Variants in GSE1 observed in about 807,000 individuals in gnomAD.
GSE1 encodes genetic suppressor element 1.
A neutral mutation model predicts 112.6 loss-of-function variants in GSE1; 32 were observed. The observed-to-expected ratio is 0.28, with a 90% CI of 0.21 to 0.38. The LOEUF is 0.38. GSE1 is among the 10% of genes least tolerant of loss of function. The probability of loss-of-function intolerance (pLI) is 1.00; values close to 1 mark genes in which losing one functional copy is unlikely to be tolerated. For missense variants in GSE1, 2,348 were observed against 1,699.2 expected, an observed-to-expected ratio of 1.38 and a Z score of -6.71; for synonymous variants, 1,115 against 735.6, an observed-to-expected ratio of 1.52 and a Z score of -8.35.
Position 85,584,965 on chromosome 16 carries a change from C to T in GSE1, c.37+28602C>T, listed in dbSNP as rs564316590. On this transcript the variant is annotated intron_variant, in intron 1 of 2. Coordinates refer to the GSE1 transcript ENST00000635906. ...TGGGGCCACGTGGCCCGGGTTGTCA[C>T]GGTAATGGGATGCGCCAGAGATGGC... is the stretch of plus-strand genomic sequence containing the variant. Among the ~76,000 whole-genome samples the T allele has an allele frequency of 5.9e-5, 9 of 152,200 alleles. No individual in the cohort carries two copies. The South Asian group carries it at 1.0e-3, about 18-fold the overall frequency.
At chr16:85,257,969 T>G (rs950922748) in intron 1 of GSE1, among the ~76,000 whole-genome samples, 1 of 152,240 alleles carries the variant, frequency 6.6e-6, no homozygotes, top group African/African-American at 2.4e-5. Flanking sequence ...CTGGTGTGAT[T>G]GGGAGCTCAG....
At chr16:85,440,888 G>C (rs1353335251) in intron 2 of GSE1, among the ~76,000 whole-genome samples, 3 of 152,224 alleles carry the variant, frequency 2.0e-5, no homozygotes, top group African/African-American at 7.2e-5. Flanking sequence ...CCGAGGACGC[G>C]GTCCCACCGG....
intron 1 of GSE1, among the ~76,000 whole-genome samples, chr16:85,329,800 A>G (rs1459903402): frequency 1.4e-5 from 2 of 138,934 alleles, no homozygotes; most frequent in Non-Finnish European, 3.1e-5. Flanking sequence ...CAGTAACTCC[A>G]GGGACTGCCT....
intron 1 of GSE1, among the ~76,000 whole-genome samples, chr16:85,305,896 C>G (rs2045664510): frequency 6.6e-6 from 1 of 152,060 alleles, no homozygotes; most frequent in Non-Finnish European, 1.5e-5. Flanking sequence ...TCGAGACCAG[C>G]CTGGCCAACA....
chr16:85,672,565 C>CTATAG lies in GSE1; in HGVS notation c.*32_*36dup, dbSNP rs1413779958. ...CGGTTTCCCTTGCACTAGGCCGAAC[C>CTATAG]TATAGTATAGAAATATTATCTATTT... On this transcript the variant is annotated 3_prime_UTR_variant, in exon 16 of 16. Transcript: ENST00000253458. 6.6e-7 allele frequency: 1 copy of CTATAG among 1,517,522 alleles called. No homozygotes were observed. Among genetic ancestry groups the CTATAG allele is most frequent in the Non-Finnish European group, 9.0e-7 (1 of 1,112,542 alleles). 94.0% of individuals were successfully genotyped at this position (1,517,522 alleles called of 1,614,324 possible).
At chr16:85,464,387 G>A (rs2050065849) in intron 2 of GSE1, among the ~76,000 whole-genome samples, 1 of 152,152 alleles carries the variant, frequency 6.6e-6, no homozygotes, top group African/African-American at 2.4e-5. Context: ...TTTTTTCCTT[G>A]AAGCTAAGTG....
chr16:85,318,089 C>G (rs549954261), intron 1 of GSE1, among the ~76,000 whole-genome samples: 28 of 152,280 alleles, frequency 1.8e-4, no homozygotes, highest in Admixed American at 5.2e-4. Flanking sequence ...GGTGGTGGGG[C>G]AGGGACCTGT....
At chr16:85,613,217 C>T (rs2151553951), upstream of GSE1, 6 of 1,491,342 alleles carry the variant, frequency 4.0e-6, no homozygotes, top group Non-Finnish European at 5.3e-6. Flanking sequence ...TTGGGTGTGT[C>T]CTCGGCGGCG....
intron 2 of GSE1, among the ~76,000 whole-genome samples, chr16:85,447,091 C>T (rs1226904391): frequency 6.6e-6 from 1 of 152,228 alleles, no homozygotes; most frequent in African/African-American, 2.4e-5. Context: ...GGGCCTCTCA[C>T]TCTGGGCCCT....
intron 1 of GSE1, among the ~76,000 whole-genome samples, chr16:85,296,937 C>T (rs2045384746): frequency 6.6e-6 from 1 of 152,234 alleles, no homozygotes; most frequent in African/African-American, 2.4e-5. Flanking sequence ...CAGGCTGCTC[C>T]CCCGGCGCTT....
At position 85,329,028 on chromosome 16, in the gene GSE1, G is replaced by A. The variant is rs540528760; in HGVS notation, c.2284-28435G>A. 2.8e-3 allele frequency among the ~76,000 whole-genome samples: 422 copies of A among 152,252 alleles called. 2 individuals carry two copies. Among genetic ancestry groups the A allele is most frequent in the African/African-American group, 9.9e-3 (411 of 41,556 alleles). On this transcript the variant is annotated intron_variant, in intron 1 of 2. Transcript: ENST00000637419. ...GTTCGGTGGGGGATTGAGGGGTGAGGTCAGCTGCCCCGCCCCTAGTGGAGC... is the reference window on the plus strand; with the variant it reads ...GTTCGGTGGGGGATTGAGGGGTGAGATCAGCTGCCCCGCCCCTAGTGGAGC...
chr16:85,569,835 G>C (rs1044058081), intron 1 of GSE1, among the ~76,000 whole-genome samples: 1 of 152,194 alleles, frequency 6.6e-6, no homozygotes, highest in African/African-American at 2.4e-5. Flanking sequence ...TCTCCGGGGG[G>C]CCTTGCACCT....
intron 2 of GSE1, among the ~76,000 whole-genome samples, chr16:85,488,620 G>C (rs1479792857): frequency 6.6e-6 from 1 of 152,112 alleles, no homozygotes; most frequent in African/African-American, 2.4e-5. Context: ...TGCCACAAGA[G>C]AGGAAGTTCA....
At chr16:85,634,563 C>A (rs2049826930) in intron 2 of GSE1, among the ~76,000 whole-genome samples, 1 of 152,158 alleles carries the variant, frequency 6.6e-6, no homozygotes, top group South Asian at 2.1e-4. Context: ...AACATGGTGT[C>A]CCTGGAAACA....
At chr16:85,179,421 T>A (rs1567591483) in intron 1 of GSE1, among the ~76,000 whole-genome samples, 1 of 152,142 alleles carries the variant, frequency 6.6e-6, no homozygotes, top group Non-Finnish European at 1.5e-5. Flanking sequence ...CATCGGCTTG[T>A]TTCTGCTTTT....
At chr16:85,239,466 A>G (rs1346086947) in intron 1 of GSE1, among the ~76,000 whole-genome samples, 2 of 152,178 alleles carry the variant, frequency 1.3e-5, no homozygotes, top group Admixed American at 6.5e-5. Context: ...GAGCTCTGAG[A>G]AGGGACACTG....
intron 2 of GSE1, among the ~76,000 whole-genome samples, chr16:85,636,313 A>G (rs1487536287): frequency 1.3e-5 from 2 of 152,138 alleles, no homozygotes; most frequent in Non-Finnish European, 2.9e-5. Flanking sequence ...GGGAATGCCA[A>G]GGTTTGTGGG....
At chr16:85,556,177 G>A in exon 1 of GSE1, 1 of 977,854 alleles carries the variant, frequency 1.0e-6, no homozygotes. Flanking sequence ...TTTTTTCGTC[G>A]CTCTCGGGAT....
intron 2 of GSE1, among the ~76,000 whole-genome samples, chr16:85,546,570 G>A (rs923360866): frequency 6.6e-6 from 1 of 152,246 alleles, no homozygotes; most frequent in African/African-American, 2.4e-5. Flanking sequence ...TGATGGAGGT[G>A]TTGCTGGCTT....
Sources: gnomAD v4.1 joint callset for allele counts (sites outside exome capture counted in the v4.1 genomes callset) on GRCh38, gnomAD v4.1.1 for gene constraint, MANE v1.5 for transcripts, NCBI Gene and HGNC (gene_info 2026-07-23, HGNC 2026-07-21) for gene names.